The following NMNAT3 variants were observed in gnomAD, a reference collection of about 807,000 sequenced individuals.
NMNAT3 encodes nicotinamide nucleotide adenylyltransferase 3.
A neutral mutation model predicts 24.8 loss-of-function variants in NMNAT3; 21 were observed. The observed-to-expected ratio is 0.85, with a 90% CI of 0.60 to 1.22. NMNAT3 has a LOEUF of 1.22. Ranked by LOEUF, NMNAT3 falls within the 50% of genes most tolerant of loss-of-function variation. NMNAT3 has a pLI of 0.00. For synonymous variants in NMNAT3, 136 were observed against 155.2 expected (o/e 0.88, Z 0.92); for missense variants, 387 against 436.6 (o/e 0.89, Z 1.01).
intron 3 of NMNAT3, among the ~76,000 whole-genome samples, chr3:139,615,556 A>G (rs1436918002): frequency 6.6e-6 from 1 of 151,594 alleles, no homozygotes; most frequent in Non-Finnish European, 1.5e-5. Flanking sequence ...TCATGAGTTC[A>G]CCCTGATACC....
At chr3:139,600,306 A>AT (rs79173913) in intron 3 of NMNAT3, among the ~76,000 whole-genome samples, 25,211 of 142,712 alleles carry the variant, frequency 0.18, 2,480 homozygotes, top group African/African-American at 0.28. Flanking sequence ...GATAGAAAGG[A>AT]TTTTTTTTTT....
chr3:139,567,621 C>A lies in NMNAT3; in HGVS notation c.658+5977G>T, dbSNP rs1326743863. ...TTTCTGCATCTATTGAGATTTGGTT[C>A]TGTTTATATGCTGGATTACATTTAT... On this transcript the variant is annotated intron_variant, in intron 6 of 6. Coordinates refer to ENST00000643695, the MANE Select transcript of NMNAT3 (RefSeq NM_001320510.2). The A allele has an allele frequency of 4.0e-5, 6 of 151,844 alleles. No individual in the cohort carries two copies. The East Asian group carries it at 1.2e-3, about 29-fold the overall frequency. 9.4% of individuals were successfully genotyped at this position (151,844 alleles called of 1,614,324 possible). A position where few individuals can be genotyped will look rare whatever the true frequency, so the allele number is the denominator to read the frequency against.
At chr3:139,667,241 C>G (rs2057612079) in intron 1 of NMNAT3, among the ~76,000 whole-genome samples, 1 of 152,102 alleles carries the variant, frequency 6.6e-6, no homozygotes, top group African/African-American at 2.4e-5. Context: ...AGTAGTGTTC[C>G]TCTTTTTCTT....
intron 3 of NMNAT3, among the ~76,000 whole-genome samples, chr3:139,624,530 C>A (rs986869794): frequency 6.6e-6 from 1 of 152,030 alleles, no homozygotes; most frequent in Non-Finnish European, 1.5e-5. Flanking sequence ...TCACTGCAAC[C>A]TCTGCCTCTC....
chr3:139,621,046 G>A (rs1234636564), intron 3 of NMNAT3, among the ~76,000 whole-genome samples: 1 of 152,098 alleles, frequency 6.6e-6, no homozygotes, highest in Non-Finnish European at 1.5e-5. Context: ...GACTCCCAAA[G>A]TGTTGAGATT....
intron 3 of NMNAT3, among the ~76,000 whole-genome samples, chr3:139,621,152 T>G (rs1392406112): frequency 6.6e-6 from 1 of 152,206 alleles, no homozygotes; most frequent in East Asian, 1.9e-4. Context: ...CCACCAACAG[T>G]GTATGAAAAT....
intron 5 of NMNAT3, among the ~76,000 whole-genome samples, chr3:139,578,015 T>C (rs1939592171): frequency 2.0e-5 from 3 of 152,370 alleles, no homozygotes; most frequent in Admixed American, 2.0e-4. Context: ...TCCCATTTCC[T>C]GCCAATCCTA....
intron 6 of NMNAT3, chr3:139,569,181 T>A (rs201134559): frequency 9.4e-5 from 1 of 10,678 alleles, no homozygotes; most frequent in East Asian, 0.5. Context: ...CTTTTTTTGT[T>A]TTCCATTTGC....
intron 2 of NMNAT3, among the ~76,000 whole-genome samples, chr3:139,629,318 G>T (rs961993849): frequency 6.6e-5 from 10 of 152,192 alleles, no homozygotes; most frequent in Admixed American, 5.2e-4. Context: ...ATGAGTGTGG[G>T]TGTGATCTTT....
At chr3:139,652,814 G>A (rs1477307169) in intron 1 of NMNAT3, among the ~76,000 whole-genome samples, 1 of 152,194 alleles carries the variant, frequency 6.6e-6, no homozygotes, top group Non-Finnish European at 1.5e-5. Context: ...CTCGAGAGAA[G>A]CTGGGAATCA....
At position 139,561,317 on chromosome 3, in the gene NMNAT3, G is replaced by A. The variant is rs201748229; in HGVS notation, c.734C>T (p.Ala245Val). The A allele has an allele frequency of 3.9e-5, 63 of 1,613,796 alleles. No individual in the cohort carries two copies. The highest frequency in any genetic ancestry group is 7.7e-5 in the South Asian group (7 of 91,044). ...CTTCTCCACTATTTCCTGGATGTGC[G>A]CATCCTTCCAGAGGTTGGGGGTCTG... is the stretch of plus-strand genomic sequence containing the variant. The change falls in exon 7 of 7, where the codon GCG becomes GTG. Residue 245 changes from alanine to valine, a missense_variant. Physicochemically the swap from Ala to Val is moderately conservative, Grantham distance 64. This residue lies in a region of NMNAT3 where 323 missense variants were observed against 345.2 expected (regional missense o/e 0.94). Coordinates refer to ENST00000643695, the MANE Select transcript of NMNAT3 (RefSeq NM_001320510.2).
intron 3 of NMNAT3, among the ~76,000 whole-genome samples, chr3:139,612,845 C>T (rs1177759575): frequency 2.6e-5 from 4 of 152,144 alleles, no homozygotes; most frequent in Admixed American, 1.3e-4. Flanking sequence ...CTACAACTAT[C>T]TGATCTTTGA....
At chr3:139,573,718 C>T (rs556649520) in intron 5 of NMNAT3, 38 bp from the exon 6 acceptor site, 3 of 1,222,378 alleles carry the variant, frequency 2.5e-6, no homozygotes, top group South Asian at 3.1e-5. Context: ...TATGTCTGTC[C>T]TCCAGCCCTC....
At chr3:139,571,851 A>G (rs1938412055) in intron 6 of NMNAT3, among the ~76,000 whole-genome samples, 1 of 152,168 alleles carries the variant, frequency 6.6e-6, no homozygotes, top group Non-Finnish European at 1.5e-5. Context: ...CAGAGAGGTG[A>G]AGTGTGCGAG....
At chr3:139,575,913 A>G in intron 5 of NMNAT3, 1 of 1,285,782 alleles carries the variant, frequency 7.8e-7, no homozygotes, top group Non-Finnish European at 1.0e-6. Context: ...GCATGGCTTC[A>G]GAGCTCCACA....
At chr3:139,654,115 C>T (rs1174005445) in intron 1 of NMNAT3, among the ~76,000 whole-genome samples, 1 of 152,208 alleles carries the variant, frequency 6.6e-6, no homozygotes, top group African/African-American at 2.4e-5. Context: ...AGGATTCGCA[C>T]TTAGCTCCCC....
chr3:139,623,720 T>C (rs1426286923), intron 3 of NMNAT3, among the ~76,000 whole-genome samples: 1 of 152,054 alleles, frequency 6.6e-6, no homozygotes, highest in Non-Finnish European at 1.5e-5. Context: ...GTAGCTGGGA[T>C]TACAGGTGCG....
intron 1 of NMNAT3, among the ~76,000 whole-genome samples, chr3:139,646,741 T>C (rs1156473469): frequency 6.6e-6 from 1 of 152,234 alleles, no homozygotes; most frequent in African/African-American, 2.4e-5. Context: ...AGGCCTGCTA[T>C]GAAATTGGGA....
chr3:139,603,295 C>G (rs1251051611), intron 3 of NMNAT3, among the ~76,000 whole-genome samples: 2 of 152,216 alleles, frequency 1.3e-5, no homozygotes, highest in Non-Finnish European at 2.9e-5. Context: ...CAGGACCACA[C>G]TTTGTGAAAT....
Sources: gnomAD v4.1 joint callset for allele counts (sites outside exome capture counted in the v4.1 genomes callset) on GRCh38, gnomAD v4.1.1 for gene constraint, gnomAD v4.1.1 regional missense constraint, MANE v1.5 for transcripts, NCBI Gene and HGNC (gene_info 2026-07-23, HGNC 2026-07-21) for gene names.